ABCB1: variants seen among roughly 807,000 people sequenced by gnomAD.
The protein encoded by ABCB1 is ATP-dependent translocase ABCB1.
Under a neutral mutation model 142.0 loss-of-function variants are expected in ABCB1, and 69 were observed. That is an observed-to-expected ratio of 0.49 (90% CI 0.40 to 0.59). The LOEUF (loss-of-function observed/expected upper bound fraction) is 0.59. Ranked by LOEUF, ABCB1 falls within the 20% of genes least tolerant of loss-of-function variation. The pLI is 0.00. For synonymous variants in ABCB1, 532 were observed against 539.2 expected (o/e 0.99, Z 0.18); for missense variants, 1,326 against 1,554.7 (o/e 0.85, Z 2.47).
rs148976220 is a variant in ABCB1, at chr7:87,582,091, G to A, written c.286+3421C>T. Among the ~76,000 whole-genome samples the A allele has an allele frequency of 9.2e-5, 14 of 152,270 alleles. No homozygotes were observed. The East Asian group carries it at 1.2e-3, about 13-fold the overall frequency. On this transcript the variant is annotated intron_variant, in intron 4 of 27. Coordinates refer to ENST00000622132, the MANE Select transcript of ABCB1 (RefSeq NM_001348946.2). ...GCAGATTAGTGATAGTGTAGTAAGC[G>A]TCCTAAAGTGAAAATCACAGTAAAG...
At chr7:87,628,447 T>C (rs920868105) in intron 1 of ABCB1, 2 of 166,780 alleles carry the variant, frequency 1.2e-5, no homozygotes, top group African/African-American at 4.8e-5. Context: ...TGTGGGTGGT[T>C]GGGCGTGAGG....
At chr7:87,708,219 G>T (rs1449396445) in intron 1 of ABCB1, among the ~76,000 whole-genome samples, 2 of 152,004 alleles carry the variant, frequency 1.3e-5, no homozygotes, top group Non-Finnish European at 2.9e-5. Context: ...TTTTTAAAAA[G>T]ATTAATGCAG....
intron 4 of ABCB1, among the ~76,000 whole-genome samples, chr7:87,575,240 T>C (rs981934588): frequency 2.0e-5 from 3 of 152,206 alleles, no homozygotes; most frequent in Admixed American, 2.0e-4. Flanking sequence ...ATAAAAAATA[T>C]ATAACATGGA....
chr7:87,551,827 T>C (rs368715359), intron 9 of ABCB1, among the ~76,000 whole-genome samples: 3 of 152,304 alleles, frequency 2.0e-5, no homozygotes, highest in East Asian at 3.8e-4. Context: ...TTTTTATATT[T>C]CTTCAATGTC....
rs1292523190 is a variant in ABCB1 at position 87,503,466 on chromosome 7, T to C, written c.*777A>G. On this transcript the variant is annotated 3_prime_UTR_variant, in exon 28 of 28. Transcript: ENST00000622132. ...ATTCATTATCAAGACAAAAAGTAAATGTACTTTGGAAGTGTAAAAATCTTA... is the reference window on the plus strand; with the variant it reads ...ATTCATTATCAAGACAAAAAGTAAACGTACTTTGGAAGTGTAAAAATCTTA... Among the ~76,000 whole-genome samples the C allele has an allele frequency of 6.6e-6, 1 of 152,184 alleles. No individual in the cohort carries two copies. The highest frequency in any genetic ancestry group is 1.5e-5 in the Non-Finnish European group (1 of 68,020).
intron 21 of ABCB1, among the ~76,000 whole-genome samples, chr7:87,528,111 A>G (rs1176170304): frequency 6.6e-6 from 1 of 152,056 alleles, no homozygotes; most frequent in Non-Finnish European, 1.5e-5. Flanking sequence ...CATGGGAAAA[A>G]CCCACTCCCA....
At chr7:87,622,132 TA>T (rs1022148524) in intron 1 of ABCB1, among the ~76,000 whole-genome samples, 3 of 152,250 alleles carry the variant, frequency 2.0e-5, no homozygotes, top group Non-Finnish European at 2.9e-5. Context: ...TTCATTTATA[TA>T]AAATTTTTTA....
At chr7:87,677,029 G>A (rs1826439425) in intron 1 of ABCB1, among the ~76,000 whole-genome samples, 1 of 152,112 alleles carries the variant, frequency 6.6e-6, no homozygotes, top group East Asian at 1.9e-4. Flanking sequence ...CTATTGGTGG[G>A]AATGTAGATT....
rs556316277 is a variant in ABCB1 at position 87,633,252 on chromosome 7, T to C, written c.-330-32174A>G. Among the ~76,000 whole-genome samples the C allele has an allele frequency of 7.9e-5, 12 of 152,372 alleles. No homozygotes were observed. In the East Asian group the frequency reaches 2.3e-3, roughly 29 times the overall value. On this transcript the variant is annotated intron_variant, in intron 1 of 28. Coordinates refer to the ABCB1 transcript ENST00000265724. ...GCAGGATTTGTATAACTGAAATTTA[T>C]TTAAGCGCACAAGTTTAATCCACAA...
At chr7:87,692,660 A>G (rs1485754234) in intron 1 of ABCB1, among the ~76,000 whole-genome samples, 1 of 152,200 alleles carries the variant, frequency 6.6e-6, no homozygotes, top group Non-Finnish European at 1.5e-5. Context: ...AGATCTATAA[A>G]TCACAAATAA....
chr7:87,570,298 C>A, intron 4 of ABCB1, 75 bp from the exon 5 acceptor site: 1 of 1,332,660 alleles, frequency 7.5e-7, no homozygotes, highest in East Asian at 2.3e-5. Context: ...AAAAATGAAT[C>A]AAACTCATTT....
chr7:87,680,908 A>T (rs1429488772), intron 1 of ABCB1, among the ~76,000 whole-genome samples: 2 of 150,840 alleles, frequency 1.3e-5, no homozygotes, highest in African/African-American at 2.5e-5. Context: ...CAATGAAATT[A>T]AAAACAAAAA....
chr7:87,508,911 G>C (rs575014769), intron 26 of ABCB1, among the ~76,000 whole-genome samples: 2 of 152,234 alleles, frequency 1.3e-5, no homozygotes, highest in African/African-American at 4.8e-5. Flanking sequence ...TCTGTACTTG[G>C]ACTTAAAGTG....
chr7:87,527,457 T>C (rs1815835697), intron 21 of ABCB1, among the ~76,000 whole-genome samples: 1 of 152,198 alleles, frequency 6.6e-6, no homozygotes, highest in Admixed American at 6.5e-5. Flanking sequence ...GCTAGATTCA[T>C]TTATCTTGAA....
chr7:87,685,580 C>T (rs1827377966), intron 1 of ABCB1, among the ~76,000 whole-genome samples: 1 of 152,096 alleles, frequency 6.6e-6, no homozygotes, highest in Non-Finnish European at 1.5e-5. Context: ...AGAAGCAAAA[C>T]CCTAAAGATT....
chr7:87,654,760 A>G (rs914457206), intron 1 of ABCB1, among the ~76,000 whole-genome samples: 3 of 152,140 alleles, frequency 2.0e-5, no homozygotes, highest in Non-Finnish European at 4.4e-5. Context: ...TCATCAGAGT[A>G]AAGAGACAAT....
At chr7:87,510,669 A>T (rs1024127479) in intron 25 of ABCB1, among the ~76,000 whole-genome samples, 1 of 152,174 alleles carries the variant, frequency 6.6e-6, no homozygotes, top group Non-Finnish European at 1.5e-5. Context: ...GCTCAAGGGG[A>T]CAGCTGCCTA....
intron 1 of ABCB1, among the ~76,000 whole-genome samples, chr7:87,683,814 T>C (rs938202181): frequency 2.0e-5 from 3 of 152,180 alleles, no homozygotes; most frequent in African/African-American, 7.2e-5. Flanking sequence ...ACTTGCTGGA[T>C]GCAAGGTTGA....
At chr7:87,661,655 A>G (rs1164761406) in intron 1 of ABCB1, among the ~76,000 whole-genome samples, 1 of 151,596 alleles carries the variant, frequency 6.6e-6, no homozygotes, top group African/African-American at 2.4e-5. Flanking sequence ...CATTTTCTTT[A>G]TTCATTTGTC....
Sources: allele counts gnomAD v4.1 joint callset (sites outside exome capture counted in the v4.1 genomes callset), GRCh38; gene constraint gnomAD v4.1.1; transcripts MANE v1.5; gene names NCBI Gene and HGNC (gene_info 2026-07-23, HGNC 2026-07-21).